PHF8: variants seen among roughly 807,000 people sequenced by gnomAD.
PHF8 encodes the protein histone lysine demethylase PHF8.
A neutral mutation model predicts 74.4 loss-of-function variants in PHF8; 9 were observed. The ratio of observed to expected loss-of-function variants is 0.12; its 90% CI spans 0.07 to 0.21. PHF8 has a LOEUF of 0.21. Among genes scored for constraint, PHF8 ranks in the 10% least tolerant of loss-of-function variants. PHF8 has a pLI of 1.00. For synonymous variants in PHF8, 311 were observed against 316.6 expected (o/e 0.98, Z 0.19); for missense variants, 478 against 816.6 (o/e 0.59, Z 5.05).
At position 54,017,676 on chromosome X, in the gene PHF8, C is replaced by T; in HGVS notation, c.439G>A (p.Val147Ile). 1 of 1,208,503 alleles carries T rather than the reference C, an allele frequency of 8.3e-7. No individual in the cohort carries two copies. The highest frequency in any genetic ancestry group is 1.7e-5 in the African/African-American group (1 of 57,784). ...AGTGTCTTACCAACATAGTGTTCAA[C>T]ATCCCTCACAGTGAATGATGGCGAG... ...LPSPSFTVRD[V>I]EHYVGSDKEI... is the part of the protein sequence containing the mutation. Residue 147 changes from valine (V) to isoleucine (I), a missense_variant, in exon 5 of 22, where the codon GTT becomes ATT. Physicochemically the swap from Val to Ile is conservative, Grantham distance 29 (BLOSUM62 3). Around this residue, in one of 9 missense-constraint regions of PHF8, gnomAD observed 70 missense variants for 234.1 expected, o/e 0.30. Transcript: ENST00000338154.
chrX:53,953,205 T>G (rs1557087531), intron 19 of PHF8, among the ~76,000 whole-genome samples: 1 of 92,887 alleles, frequency 1.1e-5, no homozygotes, highest in Admixed American at 1.2e-4. Context: ...ACCCGGGAGG[T>G]GGAGGTTGCA....
intron 12 of PHF8, among the ~76,000 whole-genome samples, chrX:53,994,778 T>A (rs1557102346): frequency 1.8e-5 from 2 of 111,914 alleles, no homozygotes; most frequent in African/African-American, 6.5e-5. Context: ...AAGCACAACT[T>A]CCCAGCTCAC....
At chrX:53,943,451 T>A in intron 20 of PHF8, 1 of 1,053,799 alleles carries the variant, frequency 9.5e-7, no homozygotes, top group Non-Finnish European at 1.2e-6. Context: ...ATTGGGCAGA[T>A]AGATTACATT....
chrX:53,944,396 C>A, intron 19 of PHF8, 153 bp from the exon 20 acceptor site: 1 of 458,039 alleles, frequency 2.2e-6, no homozygotes, highest in Non-Finnish European at 3.9e-6. Context: ...CACATAAGAA[C>A]CTAATTCACC....
chrX:53,955,557 C>CTTTTTTT (rs369969712), intron 19 of PHF8, among the ~76,000 whole-genome samples: 15 of 72,911 alleles, frequency 2.1e-4, no homozygotes, highest in Non-Finnish European at 2.7e-4. Context: ...CTCTTCTTTT[C>CTTTTTTT]TTTTTTTTTT....
chrX:54,009,356 A>G (rs1018796858), intron 8 of PHF8, among the ~76,000 whole-genome samples: 2 of 111,076 alleles, frequency 1.8e-5, no homozygotes, highest in African/African-American at 6.5e-5. Context: ...ACAACATGTC[A>G]ATATTTGTGT....
Position 54,041,035 on chromosome X carries a change from G to A in PHF8, c.98+1596C>T, listed in dbSNP as rs142057670. Among the ~76,000 whole-genome samples, 124 of 111,761 alleles carry A rather than the reference G, an allele frequency of 1.1e-3. 1 individual carries two copies. The highest frequency in any genetic ancestry group is 3.8e-3 in the African/African-American group (116 of 30,787). On this transcript the variant is annotated intron_variant, in intron 2 of 21. Transcript: ENST00000338154. ...GGGCAAGGGGGCAGTCCCTGCTGAG[G>A]GCAGGATTTTAGCAGCACCAGCACC...
chrX:53,939,079 A>G lies in PHF8; in HGVS notation c.*79T>C. ...CCTCAGCACCTTGTCCAGGGCAGAT[A>G]GGATCCAGGAGTGCCCCAAGAGTTG... On this transcript the variant is annotated 3_prime_UTR_variant, in exon 22 of 22. Coordinates refer to ENST00000338154, the MANE Select transcript of PHF8 (RefSeq NM_015107.3). The G allele has an allele frequency of 1.7e-6, 2 of 1,175,022 alleles. No homozygotes were observed. Among genetic ancestry groups the G allele is most frequent in the Non-Finnish European group, 2.3e-6 (2 of 874,183 alleles).
Position 53,974,244 on chromosome X carries a change from C to T in PHF8, c.2443+10670G>A, listed in dbSNP as rs782292498. Among the ~76,000 whole-genome samples the T allele has an allele frequency of 4.6e-5, 5 of 109,631 alleles. No individual in the cohort carries two copies. The East Asian group carries it at 1.2e-3, about 25-fold the overall frequency. On this transcript the variant is annotated intron_variant, in intron 18 of 21. Coordinates refer to ENST00000338154, the MANE Select transcript of PHF8 (RefSeq NM_015107.3). Reference sequence around the variant, plus strand: ...TTGTGCCACTGCACTCCAGCCTGGGCGACAGAGCGAGACTCCGTCTCAAAA... The same window carrying T: ...TTGTGCCACTGCACTCCAGCCTGGGTGACAGAGCGAGACTCCGTCTCAAAA...
At chrX:53,972,758 G>C (rs1231933997) in intron 18 of PHF8, among the ~76,000 whole-genome samples, 1 of 111,211 alleles carries the variant, frequency 9.0e-6, no homozygotes, top group Non-Finnish European at 1.9e-5. Flanking sequence ...GCCCTCTCTC[G>C]CCACTCCTAT....
chrX:53,991,755 G>A (rs1268850353), intron 14 of PHF8, among the ~76,000 whole-genome samples: 1 of 108,414 alleles, frequency 9.2e-6, no homozygotes, highest in Non-Finnish European at 1.9e-5. Flanking sequence ...TGTAATCCCA[G>A]CACTCTGGAG....
At chrX:54,041,208 C>T (rs2066546943) in intron 2 of PHF8, among the ~76,000 whole-genome samples, 1 of 108,429 alleles carries the variant, frequency 9.2e-6, no homozygotes, top group Middle Eastern at 4.7e-3. Context: ...GGTGAAACTC[C>T]ATCTCTATCA....
Position 54,044,222 on chromosome X carries a change from C to T in PHF8, c.-553G>A. Reference sequence around the variant, plus strand: ...CGTCGCTGGGCCGGCAGGAGATACTCGCGAGCAAACCAACGGGGAAAGAGA... The same window carrying T: ...CGTCGCTGGGCCGGCAGGAGATACTTGCGAGCAAACCAACGGGGAAAGAGA... On this transcript the variant is annotated 5_prime_UTR_variant, in exon 1 of 22. Coordinates refer to ENST00000338154, the MANE Select transcript of PHF8 (RefSeq NM_015107.3). The T allele has an allele frequency of 1.3e-6, 1 of 755,050 alleles. No individual in the cohort carries two copies. The highest frequency in any genetic ancestry group is 1.6e-6 in the Non-Finnish European group (1 of 639,454). The allele number at this position is 755,050 out of a possible 1,213,427, so 62.2% of individuals were successfully genotyped here.
chrX:53,941,546 G>A (rs1459651099), intron 20 of PHF8, among the ~76,000 whole-genome samples: 2 of 111,579 alleles, frequency 1.8e-5, no homozygotes, highest in African/African-American at 6.5e-5. Flanking sequence ...CTGAGAACCT[G>A]GAAAGGTGGT....
At chrX:54,024,071 G>A (rs2066224322) in intron 2 of PHF8, among the ~76,000 whole-genome samples, 2 of 111,082 alleles carry the variant, frequency 1.8e-5, no homozygotes, top group Non-Finnish European at 3.8e-5. Context: ...CAATAAACTA[G>A]GGATATCACC....
At chrX:54,005,593 AAC>A (rs1328140553) in intron 8 of PHF8, among the ~76,000 whole-genome samples, 1 of 108,886 alleles carries the variant, frequency 9.2e-6, no homozygotes, top group Non-Finnish European at 1.9e-5. Flanking sequence ...CACCAAAAAA[AAC>A]ACAGCATGGC....
At chrX:53,988,867 T>C in intron 14 of PHF8, among the ~76,000 whole-genome samples, 2 of 111,181 alleles carry the variant, frequency 1.8e-5, no homozygotes, top group Non-Finnish European at 3.8e-5. Flanking sequence ...GTGATGCATA[T>C]GTTAATCAGC....
At chrX:54,047,961 G>A (rs781809060), upstream of PHF8, among the ~76,000 whole-genome samples, 14 of 111,077 alleles carry the variant, frequency 1.3e-4, no homozygotes, top group Non-Finnish European at 1.7e-4. Context: ...AGGCCGAGGC[G>A]GGTGGATCAC....
chrX:53,993,037 T>C, intron 13 of PHF8, 198 bp from the exon 14 acceptor site: 3 of 433,682 alleles, frequency 6.9e-6, no homozygotes, highest in Non-Finnish European at 1.2e-5. Flanking sequence ...AGGGGACACC[T>C]GTCAATCTTG....
Sources: allele counts gnomAD v4.1 joint callset (sites outside exome capture counted in the v4.1 genomes callset), GRCh38; gene constraint gnomAD v4.1.1; regional missense constraint gnomAD v4.1.1; transcripts MANE v1.5; gene names NCBI Gene and HGNC (gene_info 2026-07-23, HGNC 2026-07-21).